Variants in GAS7 observed in about 807,000 individuals in gnomAD.
GAS7 encodes the protein growth arrest specific 7.
Under a neutral mutation model 71.1 loss-of-function variants are expected in GAS7, and 28 were observed. The ratio of observed to expected loss-of-function variants is 0.39; its 90% CI spans 0.29 to 0.54. The LOEUF is 0.54. GAS7 is among the 20% of genes least tolerant of loss of function. GAS7 has a pLI of 0.62. For synonymous variants in GAS7, 258 were observed against 245.8 expected (o/e 1.05, Z -0.46); for missense variants, 436 against 627.8 (o/e 0.69, Z 3.27).
At chr17:9,971,054 GATA>G (rs1198875852) in intron 3 of GAS7, among the ~76,000 whole-genome samples, 10 of 152,066 alleles carry the variant, frequency 6.6e-5, no homozygotes, top group Non-Finnish European at 1.5e-4. Context: ...CCAACAAAGC[GATA>G]ATAGCAAAAG....
intron 1 of GAS7, among the ~76,000 whole-genome samples, chr17:10,048,295 G>A (rs541972051): frequency 1.1e-4 from 16 of 152,368 alleles, no homozygotes; most frequent in Middle Eastern, 6.8e-3. Flanking sequence ...TTGCGCCTGG[G>A]CGACAAAGCT....
intron 1 of GAS7, among the ~76,000 whole-genome samples, chr17:10,172,201 G>A (rs548906191): frequency 4.6e-5 from 7 of 152,302 alleles, no homozygotes; most frequent in Non-Finnish European, 8.8e-5. Context: ...TGTAAAAGAA[G>A]TCTCTAAATC....
chr17:9,919,764 C>A lies in GAS7; in HGVS notation c.1139-59G>T. 3 of 1,278,408 alleles carry A rather than the reference C, an allele frequency of 2.3e-6. No homozygotes were observed. The highest frequency in any genetic ancestry group is 1.2e-5 in the South Asian group (1 of 84,526). 79.2% of individuals were successfully genotyped at this position (1,278,408 alleles called of 1,614,324 possible). ...TCCTATCCTCACCATGACTCTGTGC[C>A]CCACCCTGAGCCCCACAGCCAAGCC... On this transcript the variant is annotated intron_variant, in intron 11 of 13. Transcript: ENST00000432992. This position sits in a 1 kb window ranked among gnomAD's most constrained non-coding sequence, Gnocchi z 5.0.
intron 2 of GAS7, among the ~76,000 whole-genome samples, chr17:10,013,765 T>TACCC (rs1422292334): frequency 6.6e-6 from 1 of 152,252 alleles, no homozygotes; most frequent in African/African-American, 2.4e-5. Flanking sequence ...TGTCCCTGAC[T>TACCC]ACCCCTCCCT....
In GAS7 at chr17:9,969,924, G is replaced by T. The variant is rs2069889762; in HGVS notation, c.386-162C>A. Among the ~76,000 whole-genome samples the T allele has an allele frequency of 6.6e-6, 1 of 152,194 alleles. No individual in the cohort carries two copies. Among genetic ancestry groups the T allele is most frequent in the Non-Finnish European group, 1.5e-5 (1 of 68,036 alleles). On this transcript the variant is annotated intron_variant, in intron 3 of 13. Coordinates refer to ENST00000432992, the MANE Select transcript of GAS7 (RefSeq NM_201433.2). The surrounding 1 kb of genome is among the most constrained non-coding windows in gnomAD (Gnocchi z 5.5). The stretch of plus-strand genomic sequence containing the variant: ...ATCTGATCTTATCTGTATCTGCAGA[G>T]CTGGAAATGGGTTGAAGGCATCTCT...
intron 1 of GAS7, among the ~76,000 whole-genome samples, chr17:10,140,089 C>T (rs1438500903): frequency 1.3e-5 from 2 of 152,206 alleles, no homozygotes; most frequent in Admixed American, 1.3e-4. Context: ...CAGCATCAGA[C>T]ATTGAAATGA....
chr17:9,931,736 A>G (rs2038702931), intron 9 of GAS7, among the ~76,000 whole-genome samples: 1 of 152,194 alleles, frequency 6.6e-6, no homozygotes. Flanking sequence ...GCATGCCTTC[A>G]CTGGCTGGGA....
rs574311813 is a variant in GAS7, at chr17:9,966,771, ATTGT to A, written c.471+2902_471+2905del. ...CTACTCCAGAGGCTGAGGCGGGAGG[ATTGT>A]TTGAGCCCAGCAGTTCCAAGCTGAG... On this transcript the variant is annotated intron_variant, in intron 4 of 13. Coordinates refer to ENST00000432992, the MANE Select transcript of GAS7 (RefSeq NM_201433.2). 1.1e-4 allele frequency among the ~76,000 whole-genome samples: 16 copies of A among 152,156 alleles called. No individual in the cohort carries two copies. The South Asian group carries it at 3.3e-3, about 32-fold the overall frequency.
chr17:10,146,518 C>T lies in GAS7; in HGVS notation c.183+51690G>A, dbSNP rs541696615. On this transcript the variant is annotated intron_variant, in intron 1 of 13. Transcript: ENST00000432992. The stretch of plus-strand genomic sequence containing the variant: ...ATCACCTGGGAACTTGCCAGAAGTA[C>T]AGTTGTTCAAGCCCCACTCCAAACC... 5.3e-5 allele frequency among the ~76,000 whole-genome samples: 8 copies of T among 152,298 alleles called. No homozygotes were observed. In the South Asian group the frequency reaches 1.7e-3, roughly 32 times the overall value.
chr17:10,057,991 G>C (rs1236017590), intron 1 of GAS7, among the ~76,000 whole-genome samples: 2 of 152,208 alleles, frequency 1.3e-5, no homozygotes, highest in Admixed American at 6.5e-5. Context: ...GTCCACTCAG[G>C]GTTAAATGGA....
chr17:10,197,634 T>A (rs1476176104), intron 1 of GAS7, among the ~76,000 whole-genome samples: 1 of 91,448 alleles, frequency 1.1e-5, no homozygotes, highest in Non-Finnish European at 2.2e-5. Context: ...TGGCGGGGGG[T>A]GCTACGGCAC....
intron 1 of GAS7, among the ~76,000 whole-genome samples, chr17:10,058,722 CT>C (rs1024902240): frequency 1.3e-5 from 2 of 152,328 alleles, no homozygotes; most frequent in South Asian, 4.1e-4. Flanking sequence ...CATCACACCC[CT>C]ATCACAGTCC....
chr17:10,109,145 A>G (rs2073786687), intron 1 of GAS7, among the ~76,000 whole-genome samples: 1 of 152,136 alleles, frequency 6.6e-6, no homozygotes, highest in African/African-American at 2.4e-5. Flanking sequence ...AAAAATAAAT[A>G]AAAATAAAAT....
intron 1 of GAS7, among the ~76,000 whole-genome samples, chr17:10,063,833 G>A (rs1029357853): frequency 2.6e-5 from 4 of 152,184 alleles, no homozygotes; most frequent in African/African-American, 9.6e-5. Context: ...AAGACACTCA[G>A]GTCATGGGCT....
intron 1 of GAS7, among the ~76,000 whole-genome samples, chr17:10,152,317 G>A (rs1434702243): frequency 1.3e-5 from 2 of 152,300 alleles, no homozygotes; most frequent in East Asian, 3.9e-4. Flanking sequence ...GTCAGCAATC[G>A]ACTCCCCAAG....
Position 9,917,201 on chromosome 17 carries a change from G to C in GAS7, c.*27C>G. On this transcript the variant is annotated 3_prime_UTR_variant, in exon 14 of 14. Coordinates refer to ENST00000432992, the MANE Select transcript of GAS7 (RefSeq NM_201433.2). Reference sequence around the variant, plus strand: ...GGGAGCCCAGCCCCCCTCCCCAGCAGGACCCCCCGAAGCTGCACAGGCCCA... The same window carrying C: ...GGGAGCCCAGCCCCCCTCCCCAGCACGACCCCCCGAAGCTGCACAGGCCCA... 1 of 1,328,542 alleles carries C rather than the reference G, an allele frequency of 7.5e-7. No homozygotes were observed. Among genetic ancestry groups the C allele is most frequent in the Non-Finnish European group, 1.1e-6 (1 of 919,340 alleles). The allele number at this position is 1,328,542 out of a possible 1,614,324, so 82.3% of individuals were successfully genotyped here. A position where few individuals can be genotyped will look rare whatever the true frequency, so the allele number is the denominator to read the frequency against.
At chr17:9,993,323 T>A (rs1163367490) in intron 2 of GAS7, among the ~76,000 whole-genome samples, 4 of 152,202 alleles carry the variant, frequency 2.6e-5, no homozygotes, top group East Asian at 3.8e-4. Flanking sequence ...GGTATCTCAT[T>A]GTGGTTTTGA....
Position 9,912,985 on chromosome 17 carries a change from T to A in GAS7, c.*4243A>T, listed in dbSNP as rs1316048578. ...CGACATCAGTGTGACTCCATTTATA[T>A]GACATTCTAGAAAAGGCAAAATTAT... On this transcript the variant is annotated 3_prime_UTR_variant, in exon 14 of 14. Coordinates refer to ENST00000432992, the MANE Select transcript of GAS7 (RefSeq NM_201433.2). The A allele has an allele frequency of 4.3e-6, 1 of 232,822 alleles. No individual in the cohort carries two copies. The highest frequency in any genetic ancestry group is 6.0e-5 in the East Asian group (1 of 16,540). 14.4% of individuals were successfully genotyped at this position (232,822 alleles called of 1,614,324 possible).
intron 1 of GAS7, among the ~76,000 whole-genome samples, chr17:10,146,423 C>T (rs1042745091): frequency 4.6e-5 from 7 of 152,056 alleles, no homozygotes; most frequent in Non-Finnish European, 1.0e-4. Flanking sequence ...GCAAAGTCCC[C>T]GCAAGAGTCA....
Sources: gnomAD v4.1 joint callset for allele counts (sites outside exome capture counted in the v4.1 genomes callset) on GRCh38, gnomAD v4.1.1 for gene constraint, Gnocchi (gnomAD v3.1) non-coding constraint, MANE v1.5 for transcripts, NCBI Gene and HGNC (gene_info 2026-07-23, HGNC 2026-07-21) for gene names.